The following RAI1 variants were observed in gnomAD, a reference collection of about 807,000 sequenced individuals.
RAI1 encodes the protein retinoic acid-induced protein 1.
In RAI1, 9 loss-of-function variants were observed where a neutral mutation model predicts 123.8. The observed-to-expected ratio is 0.07, with a 90% confidence interval of 0.04 to 0.13. The LOEUF (loss-of-function observed/expected upper bound fraction) is 0.13, where lower values mean the gene tolerates loss of function less well. Ranked by LOEUF, RAI1 falls within the 10% of genes least tolerant of loss-of-function variation. RAI1 has a pLI of 1.00. For missense variants in RAI1, 2,256 were observed against 2,545.8 expected, an observed-to-expected ratio of 0.89 and a Z score of 2.45; for synonymous variants, 1,231 against 1,127.3, an observed-to-expected ratio of 1.09 and a Z score of -1.84.
Position 17,809,938 on chromosome 17 carries a change from G to C in RAI1, c.5710-32G>C, listed in dbSNP as rs1471579377. Reference sequence around the variant, plus strand: ...CCTATGGACTGTGAAGTCCGAGGTCGTCGGTAACTGGCGGGCGGGCGTCTT... The same window carrying C: ...CCTATGGACTGTGAAGTCCGAGGTCCTCGGTAACTGGCGGGCGGGCGTCTT... On this transcript the variant is annotated intron_variant, in intron 5 of 5. Coordinates refer to ENST00000353383, the MANE Select transcript of RAI1 (RefSeq NM_030665.4). The surrounding 1 kb of genome is among the most constrained non-coding windows in gnomAD (Gnocchi z 4.9). The C allele has an allele frequency of 1.9e-6, 3 of 1,560,012 alleles. No individual in the cohort carries two copies. Among genetic ancestry groups the C allele is most frequent in the Non-Finnish European group, 2.6e-6 (3 of 1,153,752 alleles).
chr17:17,706,676 G>A (rs778670787), intron 1 of RAI1, among the ~76,000 whole-genome samples: 2 of 152,162 alleles, frequency 1.3e-5, no homozygotes, highest in African/African-American at 2.4e-5. Context: ...AGGATGTAGG[G>A]TGGTGAATGG....
At position 17,810,193 on chromosome 17, in the gene RAI1, C is replaced by T. The variant is rs1567942521; in HGVS notation, c.*212C>T. ...GGGAGGAAAACCCGTTCCGGAGCCG[C>T]CTGCTCCCGGAACCGGACGGCACAG... On this transcript the variant is annotated 3_prime_UTR_variant, in exon 6 of 6. Coordinates refer to ENST00000353383, the MANE Select transcript of RAI1 (RefSeq NM_030665.4). This position sits in a 1 kb window ranked among gnomAD's most constrained non-coding sequence, Gnocchi z 4.6. 1.9e-5 allele frequency: 13 copies of T among 686,170 alleles called. No individual in the cohort carries two copies. The highest frequency in any genetic ancestry group is 6.2e-5 in the Admixed American group (2 of 32,276). The allele number at this position is 686,170 out of a possible 1,614,324, so 42.5% of individuals were successfully genotyped here.
chr17:17,710,384 C>T (rs984787620), intron 1 of RAI1, among the ~76,000 whole-genome samples: 6 of 152,214 alleles, frequency 3.9e-5, no homozygotes, highest in African/African-American at 1.2e-4. Context: ...CGTGGATATA[C>T]GGCCACAGTT....
At chr17:17,779,059 C>T (rs1053936098) in intron 2 of RAI1, 1 of 368,126 alleles carries the variant, frequency 2.7e-6, no homozygotes. Flanking sequence ...CTGGTTTTTA[C>T]TCTTAAACAC....
chr17:17,789,045 C>A (rs1037461158), intron 2 of RAI1, among the ~76,000 whole-genome samples: 10 of 152,214 alleles, frequency 6.6e-5, no homozygotes, highest in Admixed American at 5.9e-4. Context: ...AAAGTGAGGA[C>A]CCTGGCCTGA....
chr17:17,692,761 A>G (rs1257851168), intron 1 of RAI1, among the ~76,000 whole-genome samples: 2 of 152,130 alleles, frequency 1.3e-5, no homozygotes, highest in Non-Finnish European at 2.9e-5. Flanking sequence ...TTCCTCATCT[A>G]TCAAGTGGGC....
At chr17:17,792,817 G>T in intron 2 of RAI1, 116 bp from the exon 3 acceptor site, 1 of 837,802 alleles carries the variant, frequency 1.2e-6, no homozygotes. Flanking sequence ...GGGTGGGAGG[G>T]TGCTTTCTGA....
At chr17:17,775,906 G>A (rs1391112612) in intron 2 of RAI1, among the ~76,000 whole-genome samples, 5 of 152,238 alleles carry the variant, frequency 3.3e-5, no homozygotes, top group Non-Finnish European at 7.3e-5. Flanking sequence ...AGTAGACTGT[G>A]TTGTTCAAGG....
chr17:17,708,311 G>T (rs1300900629), intron 1 of RAI1, among the ~76,000 whole-genome samples: 13 of 152,172 alleles, frequency 8.5e-5, no homozygotes, highest in Admixed American at 8.5e-4. Context: ...TGCTTAGCAA[G>T]CCCTTTTTTC....
At chr17:17,772,556 A>T (rs1053351471) in intron 2 of RAI1, among the ~76,000 whole-genome samples, 1 of 152,068 alleles carries the variant, frequency 6.6e-6, no homozygotes, top group Non-Finnish European at 1.5e-5. Flanking sequence ...GACCCTGCCC[A>T]TCTCTCATTT....
intron 2 of RAI1, chr17:17,779,542 A>T (rs1192607956): frequency 1.9e-5 from 3 of 155,446 alleles, no homozygotes; most frequent in African/African-American, 7.2e-5. Flanking sequence ...TTTCAGCACA[A>T]CAGTAGCTAC....
rs58200250 is a variant in RAI1, at chr17:17,715,941, G to A, written c.-148-8087G>A. Among the ~76,000 whole-genome samples, 188 of 152,350 alleles carry A rather than the reference G, an allele frequency of 1.2e-3. 1 individual carries two copies. Among genetic ancestry groups the A allele is most frequent in the African/African-American group, 4.3e-3 (179 of 41,580 alleles). On this transcript the variant is annotated intron_variant, in intron 1 of 5. Coordinates refer to ENST00000353383, the MANE Select transcript of RAI1 (RefSeq NM_030665.4). ...AGGAGTGGAGGAGTGCTGGAAGGCT[G>A]TGCAACACACTGTTACCCATTTTGC...
chr17:17,759,594 C>T (rs2030599537), intron 2 of RAI1, among the ~76,000 whole-genome samples: 1 of 151,974 alleles, frequency 6.6e-6, no homozygotes, highest in African/African-American at 2.4e-5. Flanking sequence ...CCCTCAGTGA[C>T]CTGCTTTTCG....
intron 1 of RAI1, among the ~76,000 whole-genome samples, chr17:17,687,818 T>C (rs1272351722): frequency 1.3e-5 from 2 of 151,520 alleles, no homozygotes; most frequent in East Asian, 3.9e-4. Context: ...TCACTTGAGG[T>C]CAGGAGTTTG....
At position 17,810,035 on chromosome 17, in the gene RAI1, C is replaced by T; in HGVS notation, c.*54C>T. The T allele has an allele frequency of 1.3e-6, 2 of 1,542,490 alleles. No homozygotes were observed. Among genetic ancestry groups the T allele is most frequent in the African/African-American group, 2.7e-5 (2 of 72,784 alleles). ...CCGGAGCCCGCCTGCCCGCCCGCCG[C>T]CGAAGGAGAGGAGCCGCCTGCGCAG... On this transcript the variant is annotated 3_prime_UTR_variant, in exon 6 of 6. Coordinates refer to ENST00000353383, the MANE Select transcript of RAI1 (RefSeq NM_030665.4). The surrounding 1 kb of genome is among the most constrained non-coding windows in gnomAD (Gnocchi z 4.6).
intron 2 of RAI1, among the ~76,000 whole-genome samples, chr17:17,788,030 C>A (rs752090966): frequency 1.4e-4 from 21 of 152,206 alleles, no homozygotes; most frequent in Non-Finnish European, 2.5e-4. Context: ...CTGGCTAGGG[C>A]TGCCCTTCTG....
rs561957657 is a variant in RAI1, at chr17:17,769,816, C to T, written c.-16-23117C>T. Reference sequence around the variant, plus strand: ...GAGCCAAGCCATTAAGGACCCTGCACCCCGGCCAGAGGCCTCACTCAGGAT... The same window carrying T: ...GAGCCAAGCCATTAAGGACCCTGCATCCCGGCCAGAGGCCTCACTCAGGAT... On this transcript the variant is annotated intron_variant, in intron 2 of 5. Coordinates refer to ENST00000353383, the MANE Select transcript of RAI1 (RefSeq NM_030665.4). Among the ~76,000 whole-genome samples the T allele has an allele frequency of 1.1e-3, 163 of 152,308 alleles. 3 individuals carry two copies. The South Asian group carries it at 0.025, about 23-fold the overall frequency.
intron 2 of RAI1, chr17:17,782,296 G>A (rs1241742835): frequency 6.6e-6 from 1 of 152,172 alleles, no homozygotes; most frequent in Non-Finnish European, 1.5e-5. Flanking sequence ...AGGGGGGCAG[G>A]TTAAAAATAA....
intron 2 of RAI1, among the ~76,000 whole-genome samples, chr17:17,736,914 TGAG>T (rs1176838011): frequency 6.6e-6 from 1 of 152,146 alleles, no homozygotes; most frequent in Non-Finnish European, 1.5e-5. Context: ...CTTCTGAAGA[TGAG>T]GTATTTTTGG....
Sources: gnomAD v4.1 joint callset for allele counts (sites outside exome capture counted in the v4.1 genomes callset) on GRCh38, gnomAD v4.1.1 for gene constraint, Gnocchi (gnomAD v3.1) non-coding constraint, MANE v1.5 for transcripts, NCBI Gene and HGNC (gene_info 2026-07-23, HGNC 2026-07-21) for gene names.